UBE3C: variants seen among roughly 807,000 people sequenced by gnomAD.
UBE3C encodes the protein ubiquitin-protein ligase E3C.
A neutral mutation model predicts 129.4 loss-of-function variants in UBE3C; 42 were observed. The observed-to-expected ratio is 0.32, with a 90% CI of 0.25 to 0.42. The LOEUF is 0.42. Ranked by LOEUF, UBE3C falls within the 10% of genes least tolerant of loss-of-function variation. The pLI, the probability that UBE3C is intolerant of heterozygous loss-of-function variation, is 1.00. For missense variants in UBE3C, 1,049 were observed against 1,319.1 expected, an observed-to-expected ratio of 0.80 and a Z score of 3.17; for synonymous variants, 510 against 492.4, an observed-to-expected ratio of 1.04 and a Z score of -0.47.
In UBE3C at chr7:157,257,022, G is replaced by A. The variant is rs758440686; in HGVS notation, c.3059G>A (p.Arg1020Gln). The A allele has an allele frequency of 1.2e-6, 2 of 1,614,170 alleles. No individual in the cohort carries two copies. Among genetic ancestry groups the A allele is most frequent in the Non-Finnish European group, 1.7e-6 (2 of 1,180,028 alleles). Residue 1020 changes from arginine (R) to glutamine (Q), a missense_variant, in exon 22 of 23, where the codon CGA becomes CAA. Physicochemically the swap from Arg to Gln is conservative, Grantham distance 43. Coordinates refer to ENST00000348165, the MANE Select transcript of UBE3C (RefSeq NM_014671.3). ...CTGAAGTTTGTAACAAGCTGCTCTC[G>A]ACCCCCTCTCTTGGGGTTTAAGGTA... is the stretch of plus-strand genomic sequence containing the variant. ...KLLKFVTSCS[R>Q]PPLLGFKELY...
rs752086187 is a variant in UBE3C, at chr7:157,139,351, C to T, written c.66+13C>T. 3 of 1,567,272 alleles carry T rather than the reference C, an allele frequency of 1.9e-6. No individual in the cohort carries two copies. Among genetic ancestry groups the T allele is most frequent in the African/African-American group, 2.8e-5 (2 of 71,864 alleles). ...CGCGAGCAGGAAGGTGAGGGCCGGGCTGGCGGGGCGCCCTCGGCTCGGGGC... is the reference window on the plus strand; with the variant it reads ...CGCGAGCAGGAAGGTGAGGGCCGGGTTGGCGGGGCGCCCTCGGCTCGGGGC... On this transcript the variant is annotated intron_variant, in intron 1 of 22. Coordinates refer to ENST00000348165, the MANE Select transcript of UBE3C (RefSeq NM_014671.3).
Position 157,247,635 on chromosome 7 carries a change from T to C in UBE3C, c.2482-733T>C, listed in dbSNP as rs142747221. ...TGAACCTGGGAGGCGGAGGTTGCAG[T>C]GAGCTGAGATCGCGCGGCTGCACTC... On this transcript the variant is annotated intron_variant, in intron 18 of 22. Coordinates refer to ENST00000348165, the MANE Select transcript of UBE3C (RefSeq NM_014671.3). Among the ~76,000 whole-genome samples, 788 of 151,930 alleles carry C rather than the reference T, an allele frequency of 5.2e-3. 5 individuals carry two copies. Among genetic ancestry groups the C allele is most frequent in the African/African-American group, 0.018 (756 of 41,406 alleles).
chr7:157,223,645 C>G (rs1795796988), intron 16 of UBE3C, among the ~76,000 whole-genome samples: 1 of 152,086 alleles, frequency 6.6e-6, no homozygotes, highest in African/African-American at 2.4e-5. Context: ...ATTATTTGGC[C>G]AGGTACAGTG....
intron 10 of UBE3C, chr7:157,192,549 C>G: frequency 1.3e-6 from 1 of 764,730 alleles, no homozygotes; most frequent in South Asian, 1.3e-5. Context: ...CTACAACATT[C>G]AAAAGGAGCT....
chr7:157,152,904 T>A (rs1346883372), intron 1 of UBE3C, among the ~76,000 whole-genome samples: 1 of 152,166 alleles, frequency 6.6e-6, no homozygotes, highest in African/African-American at 2.4e-5. Context: ...TTTAACGTTG[T>A]TTAATTTTTT....
intron 11 of UBE3C, among the ~76,000 whole-genome samples, chr7:157,205,224 T>C (rs1262644796): frequency 6.6e-6 from 1 of 152,246 alleles, no homozygotes; most frequent in African/African-American, 2.4e-5. Flanking sequence ...TTGGCACATA[T>C]CCTTGCCAAT....
At chr7:157,161,892 C>T (rs1439487224) in intron 1 of UBE3C, among the ~76,000 whole-genome samples, 1 of 151,760 alleles carries the variant, frequency 6.6e-6, no homozygotes, top group Non-Finnish European at 1.5e-5. Context: ...GCCAATGTGG[C>T]GAAAACCCGT....
intron 18 of UBE3C, among the ~76,000 whole-genome samples, chr7:157,234,832 A>G (rs938158531): frequency 1.3e-5 from 2 of 152,156 alleles, no homozygotes; most frequent in African/African-American, 4.8e-5. Context: ...GTTGATGGTC[A>G]CACAGCCTAC....
At chr7:157,189,000 G>A (rs760890195) in intron 10 of UBE3C, 8 of 589,044 alleles carry the variant, frequency 1.4e-5, no homozygotes, top group East Asian at 2.6e-5. Flanking sequence ...AAAGATTTCC[G>A]AGACAGATGC....
chr7:157,189,011 G>T, intron 10 of UBE3C: 1 of 563,822 alleles, frequency 1.8e-6, no homozygotes, highest in Admixed American at 2.6e-5. Context: ...AGACAGATGC[G>T]TACATGAAAA....
At chr7:157,181,717 A>G (rs758299134) in intron 7 of UBE3C, 46 bp downstream of exon 7, 8 of 1,591,402 alleles carry the variant, frequency 5.0e-6, no homozygotes, top group East Asian at 2.3e-5. Context: ...CACAAGATCT[A>G]TATCTGATGG....
chr7:157,261,475 C>T, intron 22 of UBE3C, among the ~76,000 whole-genome samples: 1 of 151,990 alleles, frequency 6.6e-6, no homozygotes, highest in South Asian at 2.1e-4. Flanking sequence ...AATGTTCTAA[C>T]ATATGTGAAA....
At chr7:157,261,074 G>A (rs968878055) in intron 22 of UBE3C, among the ~76,000 whole-genome samples, 4 of 152,018 alleles carry the variant, frequency 2.6e-5, no homozygotes, top group East Asian at 3.9e-4. Context: ...AGGCCAAGGC[G>A]GGTGGATCCC....
chr7:157,225,329 G>A (rs1795846780), intron 16 of UBE3C, 78 bp from the exon 17 acceptor site: 1 of 1,498,666 alleles, frequency 6.7e-7, no homozygotes, highest in Admixed American at 2.4e-5. Context: ...CAAAAGATAA[G>A]ATTTAGCAGT....
intron 22 of UBE3C, among the ~76,000 whole-genome samples, chr7:157,260,557 C>T (rs3757828): frequency 0.09 from 13,735 of 152,178 alleles, 827 homozygotes; most frequent in Non-Finnish European, 0.12. Flanking sequence ...GGCGTGCAGA[C>T]GACTTTTTAT....
intron 1 of UBE3C, among the ~76,000 whole-genome samples, chr7:157,162,482 C>T (rs527254791): frequency 6.7e-4 from 102 of 152,122 alleles, no homozygotes; most frequent in African/African-American, 2.2e-3. Flanking sequence ...CGTGAGCCAC[C>T]GTGCCCAGCC....
chr7:157,199,434 A>G (rs894629778), intron 10 of UBE3C, among the ~76,000 whole-genome samples: 119 of 152,030 alleles, frequency 7.8e-4, no homozygotes, highest in African/African-American at 2.8e-3. Context: ...TCAACAGTAT[A>G]GTCTTTTTCA....
intron 1 of UBE3C, among the ~76,000 whole-genome samples, chr7:157,147,264 C>T (rs528203862): frequency 1.8e-4 from 28 of 151,918 alleles, no homozygotes; most frequent in African/African-American, 6.5e-4. Context: ...AGATTTATAC[C>T]TAAGCGTTTA....
chr7:157,169,193 C>T, intron 3 of UBE3C, 71 bp downstream of exon 3: 1 of 1,200,130 alleles, frequency 8.3e-7, no homozygotes, highest in Non-Finnish European at 1.2e-6. Flanking sequence ...TATCTTTGTA[C>T]ACCTTGTTAA....
Sources: allele counts gnomAD v4.1 joint callset (sites outside exome capture counted in the v4.1 genomes callset), GRCh38; gene constraint gnomAD v4.1.1; transcripts MANE v1.5; gene names NCBI Gene and HGNC (gene_info 2026-07-23, HGNC 2026-07-21).